Variants in ZNF160 observed in about 807,000 individuals in gnomAD.
ZNF160 encodes the protein zinc finger protein 160, also known as KRAB zinc finger protein KR18.
Under a neutral mutation model 13.1 loss-of-function variants are expected in ZNF160, and 9 were observed. The ratio of observed to expected loss-of-function variants is 0.69; its 90% CI spans 0.41 to 1.20. The LOEUF is 1.20. Among genes scored for constraint, ZNF160 ranks in the 50% most tolerant of loss-of-function variants. ZNF160 has a pLI of 0.01. For missense variants in ZNF160, 838 were observed against 988.0 expected (o/e 0.85, Z 2.04); for synonymous variants, 293 against 333.2 (o/e 0.88, Z 1.31).
At position 53,066,979 on chromosome 19, in the gene ZNF160, C is replaced by A. The variant is rs1259596045; in HGVS notation, c.*1098G>T. On this transcript the variant is annotated 3_prime_UTR_variant, in exon 6 of 6. Coordinates refer to ENST00000683776, the MANE Select transcript of ZNF160 (RefSeq NM_001322131.2). ...TATTTTTAGTACAATTGGGGTTTCT[C>A]CATGTTGGTCAGGCTGGTCTCGAAC... 1.3e-5 allele frequency: 2 copies of A among 151,992 alleles called. No homozygotes were observed. The highest frequency in any genetic ancestry group is 4.8e-5 in the African/African-American group (2 of 41,370). 9.4% of individuals were successfully genotyped at this position (151,992 alleles called of 1,614,324 possible).
rs550277427 is a variant in ZNF160, at chr19:53,080,610, G to T, written c.16-5427C>A. ...ATGGAAAAGCATTTCATGCTCATGGGTTGAAAGAATCAATATCAATGAAAT... is the reference window on the plus strand; with the variant it reads ...ATGGAAAAGCATTTCATGCTCATGGTTTGAAAGAATCAATATCAATGAAAT... On this transcript the variant is annotated intron_variant, in intron 3 of 5. Transcript: ENST00000683776. 2.0e-5 allele frequency among the ~76,000 whole-genome samples: 3 copies of T among 152,182 alleles called. No homozygotes were observed. The South Asian group carries it at 6.2e-4, about 32-fold the overall frequency.
chr19:53,073,520 C>T (rs1308314795), intron 5 of ZNF160: 8 of 1,594,142 alleles, frequency 5.0e-6, no homozygotes, highest in East Asian at 2.2e-5. Flanking sequence ...CTTCCACGCA[C>T]AGGAAATGGG....
intron 1 of ZNF160, among the ~76,000 whole-genome samples, chr19:53,100,482 T>TGGGC (rs2085403915): frequency 7.9e-5 from 12 of 152,062 alleles, no homozygotes; most frequent in Admixed American, 7.9e-4. Context: ...TGGTGGCGGC[T>TGGGC]GCCTGTAGTC....
At chr19:53,070,332 A>G (rs748166029) in intron 5 of ZNF160, 70 bp from the exon 6 acceptor site, 19 of 1,375,676 alleles carry the variant, frequency 1.4e-5, no homozygotes, top group Non-Finnish European at 1.7e-5. Flanking sequence ...TACATTGAAA[A>G]CATATTCCAC....
chr19:53,092,020 C>T lies in ZNF160; in HGVS notation c.-353-300G>A, dbSNP rs534817269. On this transcript the variant is annotated intron_variant, in intron 1 of 5. Coordinates refer to ENST00000683776, the MANE Select transcript of ZNF160 (RefSeq NM_001322131.2). ...TTATCCCATTCCACTCTTGAGATGA[C>T]GGCCTCAAATACCTTTGAGATAAAC... 4.6e-5 allele frequency among the ~76,000 whole-genome samples: 7 copies of T among 152,256 alleles called. No individual in the cohort carries two copies. The South Asian group carries it at 6.2e-4, about 14-fold the overall frequency.
intron 3 of ZNF160, among the ~76,000 whole-genome samples, chr19:53,083,233 C>G (rs111384289): frequency 1.3e-5 from 2 of 152,168 alleles, no homozygotes; most frequent in African/African-American, 4.8e-5. Flanking sequence ...GCCTCTCCCC[C>G]TCCCTGGTAG....
chr19:53,072,857 A>G, intron 5 of ZNF160: 1 of 734,456 alleles, frequency 1.4e-6, no homozygotes, highest in Middle Eastern at 7.0e-4. Context: ...ATTTAAAAAA[A>G]AAATTATTGT....
intron 3 of ZNF160, among the ~76,000 whole-genome samples, chr19:53,084,080 C>T (rs2084736727): frequency 1.3e-5 from 2 of 152,124 alleles, no homozygotes; most frequent in South Asian, 2.1e-4. Context: ...ATCTCACTTG[C>T]CAGGAGGTTA....
At chr19:53,092,148 C>T (rs1374506007) in intron 1 of ZNF160, among the ~76,000 whole-genome samples, 1 of 151,956 alleles carries the variant, frequency 6.6e-6, no homozygotes, top group African/African-American at 2.4e-5. Flanking sequence ...GGAAGAGAAA[C>T]CAAAGAACAT....
chr19:53,068,737 G>A lies in ZNF160; in HGVS notation c.1797C>T (p.Gly599=). The A allele has an allele frequency of 6.2e-7, 1 of 1,614,154 alleles. No individual in the cohort carries two copies. ...GEKPYKCNDC[G]RAFSDRSSLT... is the part of the protein sequence containing the mutation. ...GGCTTGAACGATCACTAAAGGCTCT[G>A]CCACAGTCATTACACTTGTAAGGTT... Residue 599 remains glycine (G), a synonymous_variant, in exon 6 of 6, where the codon GGC becomes GGT. Coordinates refer to ENST00000683776, the MANE Select transcript of ZNF160 (RefSeq NM_001322131.2).
At chr19:53,083,823 C>T (rs887712595) in intron 3 of ZNF160, among the ~76,000 whole-genome samples, 17 of 152,176 alleles carry the variant, frequency 1.1e-4, no homozygotes, top group African/African-American at 3.4e-4. Flanking sequence ...GGGACAATTG[C>T]TTAGGCCAAG....
chr19:53,097,586 T>C (rs567440266), intron 1 of ZNF160, among the ~76,000 whole-genome samples: 6 of 152,272 alleles, frequency 3.9e-5, no homozygotes, highest in South Asian at 2.1e-4. Flanking sequence ...TTTCCACTCA[T>C]AGTGACTCCA....
At chr19:53,082,814 A>C (rs1169659320) in intron 3 of ZNF160, among the ~76,000 whole-genome samples, 1 of 152,186 alleles carries the variant, frequency 6.6e-6, no homozygotes, top group Non-Finnish European at 1.5e-5. Context: ...AGATAGTGGC[A>C]AATCCCACAG....
intron 1 of ZNF160, chr19:53,093,679 A>T (rs1471443493): frequency 1.3e-5 from 2 of 152,052 alleles, no homozygotes; most frequent in East Asian, 1.9e-4. Context: ...GTGGTGGTGC[A>T]TGTCTATAGT....
intron 1 of ZNF160, among the ~76,000 whole-genome samples, chr19:53,098,390 C>T (rs1040340164): frequency 1.3e-5 from 2 of 151,072 alleles, no homozygotes; most frequent in Admixed American, 6.6e-5. Flanking sequence ...TGGACACAAG[C>T]GATGCGGCAG....
At chr19:53,086,454 C>T in intron 2 of ZNF160, 133 bp from the exon 3 acceptor site, 1 of 649,324 alleles carries the variant, frequency 1.5e-6, no homozygotes, top group Non-Finnish European at 2.4e-6. Context: ...GAAAGATGGT[C>T]CTCTGCGCCC....
Position 53,070,044 on chromosome 19 carries a change from T to C in ZNF160, c.490A>G (p.Arg164Gly), listed in dbSNP as rs2084109276. ...GVLMAQKEGK[R>G]DQRDRRDIEN... The stretch of plus-strand genomic sequence containing the variant: ...ATGTCTCTTCTGTCGCGTTGATCTC[T>C]TTTACCTTCTTTCTGGGCCATAAGC... Residue 164 changes from arginine to glycine, a missense_variant, in exon 6 of 6, where the codon AGA becomes GGA. Transcript: ENST00000683776. 1 of 1,614,122 alleles carries C rather than the reference T, an allele frequency of 6.2e-7. No individual in the cohort carries two copies. The highest frequency in any genetic ancestry group is 8.5e-7 in the Non-Finnish European group (1 of 1,179,992).
At chr19:53,084,125 T>C (rs1238188650) in intron 3 of ZNF160, among the ~76,000 whole-genome samples, 1 of 152,032 alleles carries the variant, frequency 6.6e-6, no homozygotes, top group African/African-American at 2.4e-5. Context: ...CAACCCAAAG[T>C]CCTGCTACAA....
At chr19:53,100,699 A>C (rs16984444) in intron 1 of ZNF160, among the ~76,000 whole-genome samples, 1,998 of 149,878 alleles carry the variant, frequency 0.013, 40 homozygotes, top group African/African-American at 0.046. Flanking sequence ...CATACCATCT[A>C]AAATTCCTAC....
Sources: gnomAD v4.1 joint callset for allele counts (sites outside exome capture counted in the v4.1 genomes callset) on GRCh38, gnomAD v4.1.1 for gene constraint, MANE v1.5 for transcripts, NCBI Gene and HGNC (gene_info 2026-07-23, HGNC 2026-07-21) for gene names.